Variants in ITGA11 observed in about 807,000 individuals in gnomAD.
The protein encoded by ITGA11 is integrin subunit alpha 11.
A neutral mutation model predicts 141.9 loss-of-function variants in ITGA11; 97 were observed. The observed-to-expected ratio is 0.68, with a 90% CI of 0.58 to 0.81. ITGA11 has a LOEUF of 0.81. Among genes scored for constraint, ITGA11 ranks in the 30% least tolerant of loss-of-function variants. The probability of loss-of-function intolerance (pLI) is 0.00; values close to 1 mark genes in which losing one functional copy is unlikely to be tolerated. For missense variants in ITGA11, 1,387 were observed against 1,559.2 expected, an observed-to-expected ratio of 0.89 and a Z score of 1.86; for synonymous variants, 658 against 624.6, an observed-to-expected ratio of 1.05 and a Z score of -0.80.
intron 10 of ITGA11, among the ~76,000 whole-genome samples, chr15:68,343,005 CT>C (rs1894621801): frequency 3.7e-5 from 1 of 27,068 alleles, no homozygotes; most frequent in Non-Finnish European, 1.1e-4. Context: ...TCTTCTCTCT[CT>C]CTCTCTCTCT....
chr15:68,339,697 C>T (rs550322096), intron 10 of ITGA11, 53 bp from the exon 11 acceptor site: 2 of 1,604,302 alleles, frequency 1.2e-6, no homozygotes, highest in African/African-American at 1.3e-5. Context: ...GGCCAGTTGC[C>T]AGGAGCCACA....
intron 1 of ITGA11, among the ~76,000 whole-genome samples, chr15:68,427,743 A>G (rs940238590): frequency 6.6e-6 from 1 of 152,194 alleles, no homozygotes; most frequent in African/African-American, 2.4e-5. Context: ...AAGAATTCAC[A>G]CAGTTAGGAT....
At position 68,327,980 on chromosome 15, in the gene ITGA11, C is replaced by T. The variant is rs903650521; in HGVS notation, c.2068+116G>A. 9.7e-6 allele frequency: 10 copies of T among 1,027,790 alleles called. No individual in the cohort carries two copies. In the African/African-American group the frequency reaches 1.5e-4, roughly 15 times the overall value. The allele number at this position is 1,027,790 out of a possible 1,614,324, so 63.7% of individuals were successfully genotyped here. A position where few individuals can be genotyped will look rare whatever the true frequency, so the allele number is the denominator to read the frequency against. On this transcript the variant is annotated intron_variant, in intron 16 of 29. Coordinates refer to ENST00000315757, the MANE Select transcript of ITGA11 (RefSeq NM_001004439.2). ...GATCCAGTAGTCATCCAAGGTGGCT[C>T]TTGGGCGACCTGGCACTTAGCACCC...
At chr15:68,363,724 A>C (rs903935620) in intron 4 of ITGA11, among the ~76,000 whole-genome samples, 6 of 152,186 alleles carry the variant, frequency 3.9e-5, no homozygotes, top group Non-Finnish European at 8.8e-5. Context: ...AGGAACCATC[A>C]GTCTCAGAAG....
chr15:68,341,790 A>G (rs760453308), intron 10 of ITGA11, among the ~76,000 whole-genome samples: 2 of 152,190 alleles, frequency 1.3e-5, no homozygotes, highest in Non-Finnish European at 2.9e-5. Context: ...TGATGTACTG[A>G]GAAGGGCTGG....
intron 1 of ITGA11, among the ~76,000 whole-genome samples, chr15:68,419,380 A>G (rs2140434595): frequency 6.6e-6 from 1 of 152,158 alleles, no homozygotes; most frequent in East Asian, 1.9e-4. Context: ...AGCCCCCATC[A>G]CTGGAGGGAT....
intron 2 of ITGA11, 85 bp from the exon 3 acceptor site, chr15:68,369,369 GTGA>G: frequency 3.1e-6 from 1 of 317,960 alleles, no homozygotes; most frequent in South Asian, 2.6e-5. Flanking sequence ...CAGTGTGGAG[GTGA>G]AGTTGGGTGG....
chr15:68,330,949 GC>G (rs762284072), intron 15 of ITGA11, 31 bp downstream of exon 15: 1 of 1,612,862 alleles, frequency 6.2e-7, no homozygotes, highest in Admixed American at 1.7e-5. Context: ...TTTCAGGAGA[GC>G]CCAGGAGGTG....
intron 26 of ITGA11, among the ~76,000 whole-genome samples, chr15:68,309,752 G>T (rs8032290): frequency 6.6e-6 from 1 of 151,812 alleles, no homozygotes; most frequent in African/African-American, 2.4e-5. Flanking sequence ...CACCACACCC[G>T]GCTGATTTTT....
At chr15:68,372,599 A>G (rs1466415766) in intron 2 of ITGA11, among the ~76,000 whole-genome samples, 1 of 152,082 alleles carries the variant, frequency 6.6e-6, no homozygotes, top group Admixed American at 6.5e-5. Context: ...GCCCTGTAGG[A>G]CCCTTTCCCT....
chr15:68,365,906 G>A lies in ITGA11; in HGVS notation c.266-1108C>T, dbSNP rs183181610. ...GTTGCATTGCACTGTGTCGGTGACTGGAAGTGTGAAGAGTCGGCCTGGCTC... is the reference window on the plus strand; with the variant it reads ...GTTGCATTGCACTGTGTCGGTGACTAGAAGTGTGAAGAGTCGGCCTGGCTC... On this transcript the variant is annotated intron_variant, in intron 3 of 29. Transcript: ENST00000315757. 9.3e-4 allele frequency among the ~76,000 whole-genome samples: 141 copies of A among 152,240 alleles called. 1 individual carries two copies. The highest frequency in any genetic ancestry group is 9.2e-3 in the Admixed American group (141 of 15,296).
At position 68,351,264 on chromosome 15, in the gene ITGA11, C is replaced by A. The variant is rs146041053; in HGVS notation, c.888G>T (p.Ala296=). Residue 296 remains alanine, a synonymous_variant, in exon 8 of 30, where the codon GCG becomes GCT. Transcript: ENST00000315757. ...QSERDNVTRY[A]VAVLGYYNRR... Reference sequence around the variant, plus strand: ...TGGGCGGGCCAGGACTTACGGCCACCGCATATCTTGTTACGTTGTCTCTTT... The same window carrying A: ...TGGGCGGGCCAGGACTTACGGCCACAGCATATCTTGTTACGTTGTCTCTTT... 6.2e-7 allele frequency: 1 copy of A among 1,613,972 alleles called. No individual in the cohort carries two copies. Among genetic ancestry groups the A allele is most frequent in the South Asian group, 1.1e-5 (1 of 91,082 alleles).
At chr15:68,367,774 G>A (rs146404134) in intron 3 of ITGA11, among the ~76,000 whole-genome samples, 28 of 152,296 alleles carry the variant, frequency 1.8e-4, no homozygotes, top group African/African-American at 5.3e-4. Context: ...GTCGAGTCCA[G>A]CCTCCTTGCT....
In ITGA11 at chr15:68,429,707, T is replaced by A. The variant is rs146572306; in HGVS notation, c.52+2308A>T. The stretch of plus-strand genomic sequence containing the variant: ...CCTGGAGCCTGAGGAGTGAACCCAA[T>A]GATCCCTGAGACCCTTCTAGTCTTC... On this transcript the variant is annotated intron_variant, in intron 1 of 29. Coordinates refer to ENST00000315757, the MANE Select transcript of ITGA11 (RefSeq NM_001004439.2). Among the ~76,000 whole-genome samples, 12 of 152,326 alleles carry A rather than the reference T, an allele frequency of 7.9e-5. No individual in the cohort carries two copies. The East Asian group carries it at 2.3e-3, about 29-fold the overall frequency.
chr15:68,333,483 C>T lies in ITGA11; in HGVS notation c.1426-1005G>A, dbSNP rs1042511526. Among the ~76,000 whole-genome samples the T allele has an allele frequency of 2.0e-4, 30 of 152,190 alleles. No homozygotes were observed. The highest frequency in any genetic ancestry group is 7.2e-4 in the African/African-American group (30 of 41,436). ...TCAGTGTCTGAGCACTTGCTGTGTTCCCCTTCTGTTTGGGGTACAGTGCTC... is the reference window on the plus strand; with the variant it reads ...TCAGTGTCTGAGCACTTGCTGTGTTTCCCTTCTGTTTGGGGTACAGTGCTC... On this transcript the variant is annotated intron_variant, in intron 12 of 29. Coordinates refer to ENST00000315757, the MANE Select transcript of ITGA11 (RefSeq NM_001004439.2). The surrounding 1 kb of genome is among the most constrained non-coding windows in gnomAD (Gnocchi z 4.2).
intron 10 of ITGA11, among the ~76,000 whole-genome samples, chr15:68,346,549 C>T (rs1232754075): frequency 6.6e-6 from 1 of 152,180 alleles, no homozygotes; most frequent in Non-Finnish European, 1.5e-5. Flanking sequence ...CAGAGTCTGA[C>T]ACACATGAAG....
chr15:68,348,833 C>T lies in ITGA11; in HGVS notation c.1128G>A (p.Val376=), dbSNP rs762795945. 20 of 1,607,280 alleles carry T rather than the reference C, an allele frequency of 1.2e-5. No homozygotes were observed. The Admixed American group carries it at 1.5e-4, about 12-fold the overall frequency. The change falls in exon 10 of 30, where the codon GTG becomes GTA. Residue 376 remains valine (V), a synonymous_variant. Coordinates refer to ENST00000315757, the MANE Select transcript of ITGA11 (RefSeq NM_001004439.2). ...MSQTGFSSHV[V]EDGVLLGAVG... ...TGCCCGTACCTCCACCACATACCTC[C>T]ACCACGTGCGAGGAAAAGCCCGTCT...
At chr15:68,379,412 C>G (rs533299524) in intron 2 of ITGA11, among the ~76,000 whole-genome samples, 16 of 152,344 alleles carry the variant, frequency 1.1e-4, no homozygotes, top group African/African-American at 3.6e-4. Flanking sequence ...ATCTTCAAAT[C>G]TCCCCCCAGC....
At chr15:68,306,931 C>G (rs776725311) in intron 28 of ITGA11, among the ~76,000 whole-genome samples, 1 of 152,176 alleles carries the variant, frequency 6.6e-6, no homozygotes, top group Non-Finnish European at 1.5e-5. Flanking sequence ...TATTTCTTTT[C>G]TTTTTTCTTC....
Sources: gnomAD v4.1 joint callset for allele counts (sites outside exome capture counted in the v4.1 genomes callset) on GRCh38, gnomAD v4.1.1 for gene constraint, Gnocchi (gnomAD v3.1) non-coding constraint, MANE v1.5 for transcripts, NCBI Gene and HGNC (gene_info 2026-07-23, HGNC 2026-07-21) for gene names.